SEC24A: variants seen among roughly 807,000 people sequenced by gnomAD.
The protein encoded by SEC24A is SEC24 homolog A, COPII component, also known as protein transport protein Sec24A.
In SEC24A, 93 loss-of-function variants were observed where a neutral mutation model predicts 129.4. The ratio of observed to expected loss-of-function variants is 0.72; its 90% CI spans 0.61 to 0.85. The LOEUF is 0.85. Among genes scored for constraint, SEC24A ranks in the 40% least tolerant of loss-of-function variants. SEC24A has a pLI of 0.00. For synonymous variants in SEC24A, 460 were observed against 467.3 expected (o/e 0.98, Z 0.20); for missense variants, 1,264 against 1,307.4 (o/e 0.97, Z 0.51).
intron 18 of SEC24A, among the ~76,000 whole-genome samples, chr5:134,713,689 TC>T (rs1302575397): frequency 6.6e-6 from 1 of 152,100 alleles, no homozygotes; most frequent in Non-Finnish European, 1.5e-5. Flanking sequence ...ATTATTCTTT[TC>T]TCTCTGCCTG....
At chr5:134,692,757 T>A in intron 12 of SEC24A, 100 bp downstream of exon 12, 1 of 816,444 alleles carries the variant, frequency 1.2e-6, no homozygotes, top group South Asian at 1.5e-5. Flanking sequence ...TCTGTGACAT[T>A]TCTAAGATGT....
chr5:134,721,451 T>C (rs915743680), intron 21 of SEC24A, among the ~76,000 whole-genome samples: 3 of 148,664 alleles, frequency 2.0e-5, no homozygotes, highest in African/African-American at 7.5e-5. Context: ...TAGTCCCAGC[T>C]ACTCAGGAGA....
intron 15 of SEC24A, among the ~76,000 whole-genome samples, chr5:134,699,696 C>CTTTTTTTT (rs746836417): frequency 1.8e-5 from 2 of 112,720 alleles, no homozygotes; most frequent in African/African-American, 7.1e-5. Context: ...TTTGTACTCT[C>CTTTTTTTT]TTTTTTTTTT....
chr5:134,670,133 C>T (rs1290797777), intron 3 of SEC24A, among the ~76,000 whole-genome samples: 2 of 152,144 alleles, frequency 1.3e-5, no homozygotes, highest in Non-Finnish European at 2.9e-5. Context: ...TCCCATGTTG[C>T]CCAGGCTGGT....
rs1252351400 is a variant in SEC24A at position 134,727,158 on chromosome 5, T to C, written c.*2064T>C. On this transcript the variant is annotated 3_prime_UTR_variant, in exon 23 of 23. Transcript: ENST00000398844. ...TGTGTTTTTTAGTTTGATTCTTTTT[T>C]TTTCCCCCAATAGGGCACTACCTGC... 2 of 152,578 alleles carry C rather than the reference T, an allele frequency of 1.3e-5. No homozygotes were observed. Among genetic ancestry groups the C allele is most frequent in the Non-Finnish European group, 2.9e-5 (2 of 67,988 alleles). 9.5% of individuals were successfully genotyped at this position (152,578 alleles called of 1,614,324 possible).
chr5:134,707,438 G>A (rs1262793959), intron 17 of SEC24A, among the ~76,000 whole-genome samples: 1 of 150,752 alleles, frequency 6.6e-6, no homozygotes, highest in Admixed American at 6.6e-5. Flanking sequence ...CACGCCATTC[G>A]CCTGCCTCAG....
chr5:134,702,170 C>G (rs974696601), intron 15 of SEC24A, among the ~76,000 whole-genome samples: 1 of 151,940 alleles, frequency 6.6e-6, no homozygotes. Context: ...TTCTTTCTTT[C>G]TTTATTAATG....
intron 22 of SEC24A, among the ~76,000 whole-genome samples, chr5:134,724,174 C>T (rs1177084622): frequency 2.6e-5 from 4 of 152,198 alleles, no homozygotes; most frequent in East Asian, 1.9e-4. Context: ...CTACTTTCTA[C>T]TTATATGAGT....
At chr5:134,687,304 G>A (rs1751486987) in intron 10 of SEC24A, among the ~76,000 whole-genome samples, 1 of 152,198 alleles carries the variant, frequency 6.6e-6, no homozygotes, top group Non-Finnish European at 1.5e-5. Context: ...AAAATTAGCA[G>A]TAATTCCACA....
At chr5:134,699,513 A>T (rs895841028) in intron 15 of SEC24A, among the ~76,000 whole-genome samples, 3 of 151,338 alleles carry the variant, frequency 2.0e-5, no homozygotes, top group Non-Finnish European at 4.4e-5. Context: ...GTTAGCCAGG[A>T]TGGTCTCGAT....
chr5:134,661,395 G>T lies in SEC24A; in HGVS notation c.374G>T (p.Ser125Ile), dbSNP rs149153241. The change falls in exon 2 of 23, where the codon AGC becomes ATC. Residue 125 changes from serine to isoleucine, a missense_variant. Coordinates refer to ENST00000398844, the MANE Select transcript of SEC24A (RefSeq NM_021982.3). ...NPATTPMPSS[S>I]FLPEANLPPP... is the part of the protein sequence containing the mutation. ...GCTACTACACCAATGCCTTCTAGTA[G>T]CTTTCTTCCTGAAGCCAACCTGCCA... is the stretch of plus-strand genomic sequence containing the variant. 48 of 1,614,182 alleles carry T rather than the reference G, an allele frequency of 3.0e-5. No individual in the cohort carries two copies. The Middle Eastern group carries it at 8.2e-4, about 28-fold the overall frequency.
intron 2 of SEC24A, among the ~76,000 whole-genome samples, chr5:134,665,223 T>G (rs997516533): frequency 6.6e-6 from 1 of 150,656 alleles, no homozygotes; most frequent in African/African-American, 2.4e-5. Flanking sequence ...CCGAGGCGGG[T>G]GGATTACGAG....
Position 134,652,846 on chromosome 5 carries a change from G to GTGC in SEC24A, c.97+3674_97+3676dup, listed in dbSNP as rs1243172636. Among the ~76,000 whole-genome samples the GTGC allele has an allele frequency of 5.9e-5, 9 of 152,238 alleles. No homozygotes were observed. The East Asian group carries it at 1.7e-3, about 29-fold the overall frequency. ...GTCTCACTCTGTCACCCATGCTGGA[G>GTGC]TGCAGTGGTGCGATCTTGGCTCGCT... On this transcript the variant is annotated intron_variant, in intron 1 of 22. Coordinates refer to ENST00000398844, the MANE Select transcript of SEC24A (RefSeq NM_021982.3).
chr5:134,700,248 T>G (rs1178131902), intron 15 of SEC24A, among the ~76,000 whole-genome samples: 1 of 151,844 alleles, frequency 6.6e-6, no homozygotes, highest in African/African-American at 2.4e-5. Context: ...GGAGACAGAG[T>G]GTTGCTCTGT....
At chr5:134,711,809 G>A (rs1307593184) in intron 18 of SEC24A, among the ~76,000 whole-genome samples, 2 of 151,688 alleles carry the variant, frequency 1.3e-5, no homozygotes, top group East Asian at 1.9e-4. Flanking sequence ...GTGCAGTGGC[G>A]CAATCTTGGC....
intron 3 of SEC24A, among the ~76,000 whole-genome samples, chr5:134,668,179 G>C (rs1750729758): frequency 6.6e-6 from 1 of 152,160 alleles, no homozygotes; most frequent in Admixed American, 6.6e-5. Flanking sequence ...GAAAACAGAT[G>C]AGGGGGTAAA....
intron 11 of SEC24A, among the ~76,000 whole-genome samples, chr5:134,692,313 C>T (rs997849824): frequency 6.6e-6 from 1 of 152,150 alleles, no homozygotes; most frequent in African/African-American, 2.4e-5. Context: ...TCTCAAAGTG[C>T]TGGGATTACA....
chr5:134,659,952 A>G (rs1750392012), intron 1 of SEC24A, among the ~76,000 whole-genome samples: 1 of 152,028 alleles, frequency 6.6e-6, no homozygotes, highest in Admixed American at 6.6e-5. Flanking sequence ...CATGCCCAGC[A>G]TGTTTTCATC....
At chr5:134,682,267 C>A in intron 8 of SEC24A, 106 bp from the exon 9 acceptor site, 5 of 563,406 alleles carry the variant, frequency 8.9e-6, no homozygotes, top group East Asian at 3.3e-5. Context: ...AAATAATTGA[C>A]ATTTAATGAA....
Sources: allele counts gnomAD v4.1 joint callset (sites outside exome capture counted in the v4.1 genomes callset), GRCh38; gene constraint gnomAD v4.1.1; transcripts MANE v1.5; gene names NCBI Gene and HGNC (gene_info 2026-07-23, HGNC 2026-07-21).